The following ITSN2 variants were observed in gnomAD, a reference collection of about 807,000 sequenced individuals.
ITSN2 encodes intersectin 2.
A neutral mutation model predicts 243.7 loss-of-function variants in ITSN2; 156 were observed. The ratio of observed to expected loss-of-function variants is 0.64; its 90% confidence interval spans 0.56 to 0.73. ITSN2 has a LOEUF of 0.73. ITSN2 is among the 30% of genes least tolerant of loss of function. The probability of loss-of-function intolerance (pLI) is 0.00; values close to 1 mark genes in which losing one functional copy is unlikely to be tolerated. For missense variants in ITSN2, 1,801 were observed against 1,996.1 expected, an observed-to-expected ratio of 0.90 and a Z score of 1.86; for synonymous variants, 703 against 699.9, an observed-to-expected ratio of 1.00 and a Z score of -0.07.
Position 24,286,315 on chromosome 2 carries a change from T to G in ITSN2, c.1760A>C (p.Glu587Ala). ...AAGTCTTTGGCATAATTCTTCCTTTTCTAATGATTTTTTATGAAGTAAACT... is the reference window on the plus strand; with the variant it reads ...AAGTCTTTGGCATAATTCTTCCTTTGCTAATGATTTTTTATGAAGTAAACT... ...GVSLLHKKSL[E>A]KEELCQRLKE... is the part of the protein sequence containing the mutation. Residue 587 changes from glutamate (E) to alanine (A), a missense_variant, in exon 16 of 40, where the codon GAA (glutamate) becomes GCA (alanine). Around this residue, in one of 5 missense-constraint regions of ITSN2, gnomAD observed 787 missense variants for 803.9 expected, o/e 0.98. Transcript: ENST00000355123. 6.2e-7 allele frequency: 1 copy of G among 1,610,240 alleles called. No homozygotes were observed. Among genetic ancestry groups the G allele is most frequent in the Non-Finnish European group, 8.5e-7 (1 of 1,176,952 alleles).
At chr2:24,354,920 C>A (rs1449275441) in intron 1 of ITSN2, among the ~76,000 whole-genome samples, 1 of 152,160 alleles carries the variant, frequency 6.6e-6, no homozygotes, top group African/African-American at 2.4e-5. Context: ...CATTTAATGT[C>A]CTGATGTATC....
chr2:24,338,164 C>T (rs1686664539), intron 1 of ITSN2, among the ~76,000 whole-genome samples: 1 of 152,134 alleles, frequency 6.6e-6, no homozygotes, highest in Non-Finnish European at 1.5e-5. Context: ...AGCCTGCCAC[C>T]CAGAGGCTTC....
chr2:24,242,281 A>C (rs2151263951), intron 29 of ITSN2: 1 of 152,764 alleles, frequency 6.5e-6, no homozygotes, highest in African/African-American at 2.4e-5. Flanking sequence ...ACTAGTAACA[A>C]CATGCAACAT....
At chr2:24,284,671 G>T in intron 17 of ITSN2, 92 bp downstream of exon 17, 1 of 754,860 alleles carries the variant, frequency 1.3e-6, no homozygotes, top group Non-Finnish European at 2.3e-6. Flanking sequence ...TTCAAACAAA[G>T]ATACTCAGAT....
chr2:24,281,049 A>T (rs533576055), intron 17 of ITSN2, among the ~76,000 whole-genome samples: 1 of 152,328 alleles, frequency 6.6e-6, no homozygotes, highest in East Asian at 1.9e-4. Flanking sequence ...TTTTTCTGAG[A>T]CAGAGTTTTG....
chr2:24,321,148 T>C (rs934926115), intron 2 of ITSN2, among the ~76,000 whole-genome samples: 4 of 152,216 alleles, frequency 2.6e-5, no homozygotes, highest in Admixed American at 6.5e-5. Flanking sequence ...GATGTCTGCA[T>C]TGCAAATACA....
intron 1 of ITSN2, among the ~76,000 whole-genome samples, chr2:24,337,358 T>TATATATATGTAA (rs1491225003): frequency 7.2e-5 from 1 of 13,884 alleles, no homozygotes; most frequent in Non-Finnish European, 1.8e-4. Flanking sequence ...ATATATGTAA[T>TATATATATGTAA]TTTTTTTTTT....
At chr2:24,333,526 G>A (rs1296132644) in intron 1 of ITSN2, among the ~76,000 whole-genome samples, 1 of 152,196 alleles carries the variant, frequency 6.6e-6, no homozygotes, top group Non-Finnish European at 1.5e-5. Context: ...CAAATTTGCA[G>A]TCATCATGTA....
At chr2:24,223,003 T>G (rs755244958) in intron 29 of ITSN2, among the ~76,000 whole-genome samples, 6 of 152,180 alleles carry the variant, frequency 3.9e-5, no homozygotes, top group Non-Finnish European at 7.3e-5. Context: ...AAATATCACT[T>G]TCTTTTAGAG....
intron 29 of ITSN2, among the ~76,000 whole-genome samples, chr2:24,231,790 C>T (rs560954212): frequency 6.6e-5 from 10 of 152,280 alleles, no homozygotes; most frequent in Admixed American, 1.3e-4. Context: ...ACAAGTCCCA[C>T]AAAAGTCCTT....
At position 24,227,318 on chromosome 2, in the gene ITSN2, C is replaced by T. The variant is rs529082743; in HGVS notation, c.3578-6252G>A. Among the ~76,000 whole-genome samples the T allele has an allele frequency of 1.4e-4, 20 of 143,950 alleles. 1 individual carries two copies. In the East Asian group the frequency reaches 1.4e-3, roughly 10 times the overall value. 94.4% of individuals were successfully genotyped at this position (143,950 alleles called of 152,430 possible). A position where few individuals can be genotyped will look rare whatever the true frequency, so the allele number is the denominator to read the frequency against. On this transcript the variant is annotated intron_variant, in intron 29 of 39. Coordinates refer to ENST00000355123, the MANE Select transcript of ITSN2 (RefSeq NM_006277.3). ...AAAAAAAAAAAAAAATTACAAAAAA[C>T]GGGAAAAATCCACCATAAATTGAAA...
chr2:24,356,062 T>C (rs1388479962), intron 1 of ITSN2, among the ~76,000 whole-genome samples: 5 of 152,028 alleles, frequency 3.3e-5, no homozygotes, highest in Admixed American at 6.6e-5. Context: ...TAGCTGGGCA[T>C]GGTGGCAGGC....
chr2:24,317,315 T>G (rs1684053134), intron 2 of ITSN2, among the ~76,000 whole-genome samples: 1 of 145,578 alleles, frequency 6.9e-6, no homozygotes, highest in East Asian at 2.0e-4. Flanking sequence ...ACCCGGGAGG[T>G]GGAGGTTGCA....
chr2:24,273,074 G>A (rs938078272), intron 18 of ITSN2, among the ~76,000 whole-genome samples: 1 of 152,310 alleles, frequency 6.6e-6, no homozygotes, highest in African/African-American at 2.4e-5. Context: ...CCCTTCCAAA[G>A]TGGGAACCTT....
chr2:24,261,297 T>G, intron 21 of ITSN2, 47 bp from the exon 22 acceptor site: 1 of 1,380,242 alleles, frequency 7.2e-7, no homozygotes. Flanking sequence ...TGTTTAGAAC[T>G]TAATGAAGTA....
At chr2:24,285,309 T>C (rs1464053505) in intron 16 of ITSN2, among the ~76,000 whole-genome samples, 1 of 152,234 alleles carries the variant, frequency 6.6e-6, no homozygotes, top group African/African-American at 2.4e-5. Context: ...CATATGCTTG[T>C]GTAAAGTGTA....
At chr2:24,244,532 C>A (rs1673111974) in intron 29 of ITSN2, among the ~76,000 whole-genome samples, 1 of 152,200 alleles carries the variant, frequency 6.6e-6, no homozygotes, top group Admixed American at 6.5e-5. Context: ...AATGTACTGA[C>A]ACACCGGCAT....
rs1675799752 is a variant in ITSN2 at position 24,261,183 on chromosome 2, C to T, written c.2605G>A (p.Val869Ile). 6.2e-7 allele frequency: 1 copy of T among 1,613,006 alleles called. No homozygotes were observed. Among genetic ancestry groups the T allele is most frequent in the African/African-American group, 1.3e-5 (1 of 74,900 alleles). The change falls in exon 22 of 40, where the codon GTA becomes ATA. Residue 869 changes from valine (V) to isoleucine (I), a missense_variant. Physicochemically the swap from Val to Ile is conservative, Grantham distance 29 (BLOSUM62 3). Around this residue, in one of 5 missense-constraint regions of ITSN2, gnomAD observed 928 missense variants for 1,065.4 expected, o/e 0.87. Coordinates refer to ENST00000355123, the MANE Select transcript of ITSN2 (RefSeq NM_006277.3). ...GATTTTTTCTGCCATGATGTATTTA[C>T]AGTTAGGTTTGAAAAAGATACATTT... Reference protein sequence around the residue: ...YQNVSFSNLTVNTSWQKKSAF... With the variant: ...YQNVSFSNLTINTSWQKKSAF...
intron 5 of ITSN2, among the ~76,000 whole-genome samples, chr2:24,311,124 AC>A (rs1683216985): frequency 1.3e-5 from 2 of 152,032 alleles, no homozygotes; most frequent in Admixed American, 1.3e-4. Context: ...CTCCCCCCAA[AC>A]AAAAAGGTTC....
Sources: allele counts gnomAD v4.1 joint callset (sites outside exome capture counted in the v4.1 genomes callset), GRCh38; gene constraint gnomAD v4.1.1; regional missense constraint gnomAD v4.1.1; transcripts MANE v1.5; gene names NCBI Gene and HGNC (gene_info 2026-07-23, HGNC 2026-07-21).